Variants in GPHN observed in about 807,000 individuals in gnomAD.
GPHN encodes gephyrin.
A neutral mutation model predicts 95.5 loss-of-function variants in GPHN; 17 were observed. The observed-to-expected ratio is 0.18, with a 90% CI of 0.12 to 0.27. GPHN has a LOEUF of 0.27. Among genes scored for constraint, GPHN ranks in the 10% least tolerant of loss-of-function variants. The probability of loss-of-function intolerance (pLI) is 1.00; values close to 1 mark genes in which losing one functional copy is unlikely to be tolerated. For synonymous variants in GPHN, 320 were observed against 322.5 expected (o/e 0.99, Z 0.08); for missense variants, 660 against 978.1 (o/e 0.67, Z 4.34).
chr14:67,087,037 C>CAAA (rs60067524), intron 11 of GPHN, among the ~76,000 whole-genome samples: 2,072 of 77,142 alleles, frequency 0.027, 37 homozygotes, highest in Non-Finnish European at 0.047. Context: ...GACTCTGTCT[C>CAAA]AAAAAAAAAA....
At chr14:66,516,121 C>T (rs1011590882) in intron 1 of GPHN, among the ~76,000 whole-genome samples, 2 of 151,782 alleles carry the variant, frequency 1.3e-5, no homozygotes, top group Non-Finnish European at 2.9e-5. Flanking sequence ...ATTCTCCTGC[C>T]TCAGCCTCCC....
At chr14:67,353,344 T>C in the GPHN span, among the ~76,000 whole-genome samples, 2 of 152,130 alleles carry the variant, frequency 1.3e-5, no homozygotes, top group African/African-American at 4.8e-5. Flanking sequence ...CTGGGTTCCT[T>C]ATTGCAGGAG....
the GPHN span, among the ~76,000 whole-genome samples, chr14:67,669,441 T>C: frequency 2.6e-5 from 4 of 151,814 alleles, no homozygotes; most frequent in African/African-American, 9.7e-5. Flanking sequence ...CTCAGCTTTT[T>C]TTTTTTTGTA....
intron 8 of GPHN, among the ~76,000 whole-genome samples, chr14:66,927,358 A>C (rs2066537060): frequency 6.6e-6 from 1 of 151,940 alleles, no homozygotes; most frequent in African/African-American, 2.4e-5. Flanking sequence ...CAAAAAAAAA[A>C]AAAAAAGATA....
At chr14:67,579,817 C>A in the GPHN span, 1 of 1,610,086 alleles carries the variant, frequency 6.2e-7, no homozygotes, top group Non-Finnish European at 8.5e-7. Flanking sequence ...TGGCTTTGCC[C>A]TCTTCACGGA....
chr14:66,930,191 G>A (rs2066711168), intron 8 of GPHN, among the ~76,000 whole-genome samples: 1 of 151,602 alleles, frequency 6.6e-6, no homozygotes, highest in South Asian at 2.1e-4. Context: ...GTTTTGTTTT[G>A]TTTTTTTCTA....
the GPHN span, chr14:67,334,816 T>TA: frequency 2.0e-5 from 3 of 152,242 alleles, no homozygotes; most frequent in East Asian, 5.8e-4. Flanking sequence ...AGCACTTACT[T>TA]AATCTTTTCA....
rs546800153 is a variant in GPHN, at chr14:66,976,925, G to C, written c.963+11600G>C. 4.6e-3 allele frequency among the ~76,000 whole-genome samples: 601 copies of C among 131,386 alleles called. 62 individuals are homozygous for C. Among genetic ancestry groups the C allele is most frequent in the African/African-American group, 0.016 (562 of 35,540 alleles). 86.2% of individuals were successfully genotyped at this position (131,386 alleles called of 152,430 possible). On this transcript the variant is annotated intron_variant, in intron 9 of 22. Transcript: ENST00000478722. ...CAGCACAGAAATATGTGGGGGGGGG[G>C]GGAGTACACTCTCACTAGAAATCTA...
intron 11 of GPHN, among the ~76,000 whole-genome samples, chr14:67,059,332 T>C (rs559904272): frequency 6.6e-6 from 1 of 152,176 alleles, no homozygotes; most frequent in Non-Finnish European, 1.5e-5. Context: ...AAATTCAGCA[T>C]AGGAGTTGTA....
chr14:66,540,152 C>T (rs1285945782), intron 1 of GPHN, among the ~76,000 whole-genome samples: 1 of 152,184 alleles, frequency 6.6e-6, no homozygotes, highest in African/African-American at 2.4e-5. Flanking sequence ...TGGCTCTGCT[C>T]GTGCTCCACA....
intron 5 of GPHN, among the ~76,000 whole-genome samples, chr14:66,899,301 T>G: frequency 6.6e-6 from 1 of 152,036 alleles, no homozygotes; most frequent in East Asian, 1.9e-4. Context: ...CAGTGCTATT[T>G]TGAATAGCCA....
intron 9 of GPHN, among the ~76,000 whole-genome samples, chr14:67,001,468 A>C (rs1037661219): frequency 6.6e-5 from 10 of 151,638 alleles, no homozygotes; most frequent in African/African-American, 2.4e-4. Context: ...TTTTTGTAAT[A>C]TCAAACTCAG....
At chr14:67,160,421 GA>G (rs1319720195) in intron 19 of GPHN, among the ~76,000 whole-genome samples, 3 of 152,014 alleles carry the variant, frequency 2.0e-5, no homozygotes, top group African/African-American at 7.2e-5. Flanking sequence ...AATAACTAAG[GA>G]AAATAACCAT....
At chr14:67,663,273 G>C in the GPHN span, 1 of 964,492 alleles carries the variant, frequency 1.0e-6, no homozygotes, top group Non-Finnish European at 1.5e-6. Flanking sequence ...TTTTCTGATA[G>C]TTTATACTAC....
chr14:66,560,154 A>G lies in GPHN; in HGVS notation c.64+51563A>G, dbSNP rs1052636665. On this transcript the variant is annotated intron_variant, in intron 1 of 22. Transcript: ENST00000478722. ...TTTGGTTACTGTAGCCTTGTAGTATAGTTTGAAGTCAGGTAGCGTGATGCC... is the reference window on the plus strand; with the variant it reads ...TTTGGTTACTGTAGCCTTGTAGTATGGTTTGAAGTCAGGTAGCGTGATGCC... Among the ~76,000 whole-genome samples, 483 of 152,188 alleles carry G rather than the reference A, an allele frequency of 3.2e-3. 2 individuals carry two copies. The highest frequency in any genetic ancestry group is 5.0e-3 in the Non-Finnish European group (340 of 68,006).
the GPHN span, among the ~76,000 whole-genome samples, chr14:67,499,022 A>G: frequency 6.7e-6 from 1 of 148,868 alleles, no homozygotes; most frequent in Non-Finnish European, 1.5e-5. Context: ...TTAATTTTAG[A>G]AACAAGGTCT....
chr14:67,009,773 C>T (rs565584180), intron 9 of GPHN, among the ~76,000 whole-genome samples: 3 of 151,782 alleles, frequency 2.0e-5, no homozygotes, highest in South Asian at 4.2e-4. Flanking sequence ...TTATTTGTTT[C>T]GTTTCTCTTT....
chr14:67,078,435 G>C (rs1696496594), intron 11 of GPHN, among the ~76,000 whole-genome samples: 1 of 152,152 alleles, frequency 6.6e-6, no homozygotes, highest in South Asian at 2.1e-4. Flanking sequence ...CAGGTGAGAA[G>C]TTACTGCTCC....
chr14:67,223,744 C>T, the GPHN span: 122 of 984,370 alleles, frequency 1.2e-4, 1 homozygote, highest in African/African-American at 2.0e-3. Context: ...CCACTTTTTT[C>T]TTACTTAGGC....
Sources: gnomAD v4.1 joint callset for allele counts (sites outside exome capture counted in the v4.1 genomes callset) on GRCh38, gnomAD v4.1.1 for gene constraint, MANE v1.5 for transcripts, NCBI Gene and HGNC (gene_info 2026-07-23, HGNC 2026-07-21) for gene names.